PRKG1: variants seen among roughly 807,000 people sequenced by gnomAD.
The protein encoded by PRKG1 is cGMP-dependent protein kinase 1.
In PRKG1, 35 loss-of-function variants were observed where a neutral mutation model predicts 88.1. The observed-to-expected ratio is 0.40, with a 90% CI of 0.30 to 0.53. PRKG1 has a LOEUF of 0.53. PRKG1 is among the 20% of genes least tolerant of loss of function. PRKG1 has a pLI of 0.59. For missense variants in PRKG1, 540 were observed against 839.8 expected (o/e 0.64, Z 4.41); for synonymous variants, 303 against 292.5 (o/e 1.04, Z -0.37).
chr10:51,145,611 G>T (rs186640200), intron 1 of PRKG1, among the ~76,000 whole-genome samples: 18 of 152,272 alleles, frequency 1.2e-4, no homozygotes, highest in South Asian at 2.1e-4. Flanking sequence ...TTAGGCTCAC[G>T]CGTAAAATGC....
intron 1 of PRKG1, chr10:51,148,339 G>A: frequency 1.1e-6 from 1 of 873,050 alleles, no homozygotes; most frequent in South Asian, 5.2e-5. Context: ...AAGAAAATTA[G>A]TGAGTGATGT....
chr10:51,457,461 A>G (rs1041807256), intron 2 of PRKG1, among the ~76,000 whole-genome samples: 2 of 152,206 alleles, frequency 1.3e-5, no homozygotes, highest in African/African-American at 2.4e-5. Context: ...AAGAGACTAC[A>G]TATTGGATGC....
chr10:51,786,564 C>T (rs1242099079), intron 3 of PRKG1, among the ~76,000 whole-genome samples: 1 of 152,044 alleles, frequency 6.6e-6, no homozygotes, highest in African/African-American at 2.4e-5. Flanking sequence ...GTGGGAGGCT[C>T]CCCACACACT....
intron 2 of PRKG1, among the ~76,000 whole-genome samples, chr10:51,299,809 G>C (rs562400472): frequency 6.6e-6 from 1 of 152,202 alleles, no homozygotes; most frequent in Admixed American, 6.5e-5. Context: ...TTCAATAAAG[G>C]ACTCTTTAAT....
intron 17 of PRKG1, 148 bp from the exon 18 acceptor site, chr10:52,293,654 T>TA (rs1411166021): frequency 2.7e-5 from 17 of 631,776 alleles, no homozygotes; most frequent in Non-Finnish European, 3.9e-5. Context: ...TGCTTGTACT[T>TA]ACCACTGTGA....
At chr10:51,859,968 C>A (rs531214926) in intron 4 of PRKG1, among the ~76,000 whole-genome samples, 1 of 152,218 alleles carries the variant, frequency 6.6e-6, no homozygotes, top group African/African-American at 2.4e-5. Flanking sequence ...ATATATAGTT[C>A]TACGTATGTT....
At chr10:51,011,341 C>T (rs1842991682) in intron 1 of PRKG1, among the ~76,000 whole-genome samples, 1 of 152,074 alleles carries the variant, frequency 6.6e-6, no homozygotes, top group Non-Finnish European at 1.5e-5. Context: ...CTCCTGACCA[C>T]CAGTTAGGGC....
intron 5 of PRKG1, among the ~76,000 whole-genome samples, chr10:51,990,176 G>C (rs960018222): frequency 1.3e-5 from 2 of 151,950 alleles, no homozygotes; most frequent in African/African-American, 4.8e-5. Flanking sequence ...GTAATATTCT[G>C]TTATATTAAT....
intron 4 of PRKG1, among the ~76,000 whole-genome samples, chr10:51,841,328 C>G (rs1006724350): frequency 6.6e-6 from 1 of 152,042 alleles, no homozygotes; most frequent in East Asian, 1.9e-4. Context: ...TCTATTTTTT[C>G]AAACAGTTCA....
intron 5 of PRKG1, among the ~76,000 whole-genome samples, chr10:52,044,736 T>C (rs911834123): frequency 1.3e-5 from 2 of 152,158 alleles, no homozygotes; most frequent in Non-Finnish European, 2.9e-5. Flanking sequence ...AAATGCTGTT[T>C]GCAGCCCTCT....
At chr10:51,609,147 G>T (rs1418390280) in intron 3 of PRKG1, among the ~76,000 whole-genome samples, 2 of 151,688 alleles carry the variant, frequency 1.3e-5, no homozygotes, top group Non-Finnish European at 2.9e-5. Flanking sequence ...GTGCAGGTTA[G>T]TTACATATGT....
intron 1 of PRKG1, among the ~76,000 whole-genome samples, chr10:51,106,608 C>T (rs1201732056): frequency 6.6e-6 from 1 of 152,166 alleles, no homozygotes; most frequent in Non-Finnish European, 1.5e-5. Context: ...GCAGCAGAGA[C>T]AGATAAAGTC....
intron 2 of PRKG1, among the ~76,000 whole-genome samples, chr10:51,389,271 T>G (rs758954528): frequency 2.0e-4 from 30 of 152,228 alleles, no homozygotes; most frequent in Non-Finnish European, 4.3e-4. Flanking sequence ...TTTAATCTTA[T>G]GCAAAGACAT....
intron 3 of PRKG1, among the ~76,000 whole-genome samples, chr10:51,535,081 T>C (rs1842113950): frequency 6.6e-6 from 1 of 152,192 alleles, no homozygotes; most frequent in Non-Finnish European, 1.5e-5. Flanking sequence ...TTTGGAAGTA[T>C]GCCTTTGAGA....
At chr10:52,160,234 T>C (rs1400476817) in intron 8 of PRKG1, among the ~76,000 whole-genome samples, 2 of 151,932 alleles carry the variant, frequency 1.3e-5, no homozygotes. Context: ...TATGGGAAAG[T>C]GGGAAATTTT....
At chr10:51,132,886 T>A (rs1845605554) in intron 1 of PRKG1, among the ~76,000 whole-genome samples, 1 of 152,060 alleles carries the variant, frequency 6.6e-6, no homozygotes, top group Non-Finnish European at 1.5e-5. Flanking sequence ...ATCATATACA[T>A]ATGTCAAAAC....
intron 3 of PRKG1, among the ~76,000 whole-genome samples, chr10:51,517,431 G>A (rs576865958): frequency 5.9e-5 from 9 of 152,270 alleles, no homozygotes; most frequent in African/African-American, 2.2e-4. Context: ...TACCTGAGGG[G>A]GTGTCAACAA....
chr10:52,061,114 G>A (rs925143971), intron 6 of PRKG1, among the ~76,000 whole-genome samples: 1 of 151,956 alleles, frequency 6.6e-6, no homozygotes, highest in Non-Finnish European at 1.5e-5. Context: ...ATGCAAATTA[G>A]TGTCTCTGTG....
At chr10:51,946,736 G>A (rs1241092675) in intron 5 of PRKG1, among the ~76,000 whole-genome samples, 1 of 152,080 alleles carries the variant, frequency 6.6e-6, no homozygotes, top group Non-Finnish European at 1.5e-5. Flanking sequence ...TCCAGACACT[G>A]TTTGCCTGAG....
Sources: gnomAD v4.1 joint callset for allele counts (sites outside exome capture counted in the v4.1 genomes callset) on GRCh38, gnomAD v4.1.1 for gene constraint, MANE v1.5 for transcripts, NCBI Gene and HGNC (gene_info 2026-07-23, HGNC 2026-07-21) for gene names.